BANF2: variants seen among roughly 807,000 people sequenced by gnomAD.
The protein encoded by BANF2 is BANF family member 2.
In BANF2, 4 loss-of-function variants were observed where a neutral mutation model predicts 8.0. The observed-to-expected ratio is 0.50, with a 90% CI of 0.25 to 1.14. The LOEUF (loss-of-function observed/expected upper bound fraction) is 1.14, where lower values mean the gene tolerates loss of function less well. Ranked by LOEUF, BANF2 falls within the 50% of genes most tolerant of loss-of-function variation. The probability of loss-of-function intolerance (pLI) is 0.16; values close to 1 mark genes in which losing one functional copy is unlikely to be tolerated. For synonymous variants in BANF2, 50 were observed against 40.6 expected, an observed-to-expected ratio of 1.23 and a Z score of -0.88; for missense variants, 96 against 107.5, an observed-to-expected ratio of 0.89 and a Z score of 0.47.
At chr20:17,703,322 G>C (rs1293508981) in intron 1 of BANF2, among the ~76,000 whole-genome samples, 4 of 152,168 alleles carry the variant, frequency 2.6e-5, no homozygotes, top group African/African-American at 9.7e-5. Flanking sequence ...ACCAGAGCAG[G>C]GATGCAGTCT....
chr20:17,700,339 C>G (rs1341507684), intron 1 of BANF2, among the ~76,000 whole-genome samples: 1 of 146,492 alleles, frequency 6.8e-6, no homozygotes, highest in Admixed American at 6.7e-5. Context: ...CAAAGGTCAC[C>G]TGTGTTCTTA....
chr20:17,709,560 C>G (rs1250492419), intron 1 of BANF2, among the ~76,000 whole-genome samples: 2 of 152,148 alleles, frequency 1.3e-5, no homozygotes, highest in Non-Finnish European at 2.9e-5. Context: ...TGTTTTGGGG[C>G]AGCCAACTGC....
chr20:17,724,503 C>T (rs947642336), intron 2 of BANF2, among the ~76,000 whole-genome samples: 1 of 152,132 alleles, frequency 6.6e-6, no homozygotes, highest in African/African-American at 2.4e-5. Context: ...TGAGGAATGG[C>T]GCTGCGACCC....
At chr20:17,716,706 C>T (rs1003579915) in intron 1 of BANF2, among the ~76,000 whole-genome samples, 9 of 150,990 alleles carry the variant, frequency 6.0e-5, no homozygotes, top group Admixed American at 4.6e-4. Flanking sequence ...CCAGGTGGTG[C>T]GGCATGCATC....
intron 1 of BANF2, among the ~76,000 whole-genome samples, chr20:17,721,869 C>A (rs2037735097): frequency 6.6e-6 from 1 of 152,184 alleles, no homozygotes; most frequent in Non-Finnish European, 1.5e-5. Context: ...TTACTTATAG[C>A]CCAGGGTTTC....
chr20:17,695,472 A>G (rs1051382848), upstream of BANF2, among the ~76,000 whole-genome samples: 1 of 143,392 alleles, frequency 7.0e-6, no homozygotes, highest in Non-Finnish European at 1.5e-5. Flanking sequence ...AAAAAAAAGT[A>G]GAGTCGCATA....
chr20:17,695,186 G>A (rs1443001171), upstream of BANF2, among the ~76,000 whole-genome samples: 1 of 151,790 alleles, frequency 6.6e-6, no homozygotes, highest in African/African-American at 2.4e-5. Flanking sequence ...TGGGTGTGAT[G>A]GTGTAATCCC....
At chr20:17,708,214 GAT>G (rs924211522) in intron 1 of BANF2, among the ~76,000 whole-genome samples, 1 of 151,994 alleles carries the variant, frequency 6.6e-6, no homozygotes, top group African/African-American at 2.4e-5. Flanking sequence ...GTGACAAAGT[GAT>G]ATGTCTCGAA....
At chr20:17,722,317 C>T (rs1204770509) in intron 1 of BANF2, among the ~76,000 whole-genome samples, 1 of 152,194 alleles carries the variant, frequency 6.6e-6, no homozygotes, top group Non-Finnish European at 1.5e-5. Context: ...GTTGTAGTTT[C>T]CATTTATTCT....
intron 1 of BANF2, among the ~76,000 whole-genome samples, chr20:17,703,623 G>A (rs577765821): frequency 6.6e-6 from 1 of 152,282 alleles, no homozygotes; most frequent in African/African-American, 2.4e-5. Flanking sequence ...GGCTGGACAG[G>A]GTGGCCCAAG....
At chr20:17,715,236 C>T (rs2122603924) in intron 1 of BANF2, among the ~76,000 whole-genome samples, 1 of 152,306 alleles carries the variant, frequency 6.6e-6, no homozygotes. Flanking sequence ...AAGGTGAGCC[C>T]TGCCTTTGGG....
Position 17,735,779 on chromosome 20 carries a change from T to C in BANF2, c.241T>C (p.Cys81Arg). Residue 81 changes from cysteine to arginine, a missense_variant, in exon 4 of 4, where the codon TGC becomes CGC. Coordinates refer to ENST00000246090, the MANE Select transcript of BANF2 (RefSeq NM_178477.5). Reference sequence around the variant, plus strand: ...GTGTGAGGCCCAGCAGACTTCTCACTGCCTCAAGGAGTGGTGTGCCTGCTT... The same window carrying C: ...GTGTGAGGCCCAGCAGACTTCTCACCGCCTCAAGGAGTGGTGTGCCTGCTT... ...TECEAQQTSH[C>R]LKEWCACFL is the part of the protein sequence containing the mutation. The C allele has an allele frequency of 6.2e-7, 1 of 1,613,860 alleles. No homozygotes were observed. The highest frequency in any genetic ancestry group is 1.1e-5 in the South Asian group (1 of 91,050).
chr20:17,725,379 A>C (rs895137514), intron 3 of BANF2, among the ~76,000 whole-genome samples: 3 of 152,258 alleles, frequency 2.0e-5, no homozygotes, highest in African/African-American at 7.2e-5. Context: ...AGTTCAGAGC[A>C]GCTGGGCTAG....
intron 1 of BANF2, among the ~76,000 whole-genome samples, chr20:17,694,031 G>A (rs577337369): frequency 2.0e-4 from 30 of 152,326 alleles, no homozygotes; most frequent in African/African-American, 7.2e-4. Flanking sequence ...TCCTTGTTGC[G>A]ATGAATTGGC....
chr20:17,706,065 A>G (rs1452733385), intron 1 of BANF2, among the ~76,000 whole-genome samples: 1 of 152,218 alleles, frequency 6.6e-6, no homozygotes, highest in Non-Finnish European at 1.5e-5. Flanking sequence ...TGTACTTAGG[A>G]AAACGCAGCC....
chr20:17,717,054 G>A (rs1388664017), intron 1 of BANF2, among the ~76,000 whole-genome samples: 1 of 152,032 alleles, frequency 6.6e-6, no homozygotes, highest in Non-Finnish European at 1.5e-5. Flanking sequence ...ATGAAACACT[G>A]ATCATTTGAA....
chr20:17,718,777 C>T (rs1480885193), intron 1 of BANF2, among the ~76,000 whole-genome samples: 5 of 152,172 alleles, frequency 3.3e-5, no homozygotes, highest in Non-Finnish European at 7.3e-5. Context: ...TCTACTGATT[C>T]CTTTATTCCT....
At chr20:17,728,385 A>C (rs2328216) in intron 3 of BANF2, among the ~76,000 whole-genome samples, 53,294 of 151,982 alleles carry the variant, frequency 0.35, 10,149 homozygotes, top group African/African-American at 0.5. Context: ...CTAGAGACCC[A>C]AGGGTGCTGG....
chr20:17,700,310 C>T (rs775777932), intron 1 of BANF2, among the ~76,000 whole-genome samples: 3 of 152,086 alleles, frequency 2.0e-5, no homozygotes, highest in Non-Finnish European at 2.9e-5. Context: ...CGGCTTGCCA[C>T]CTGCACCAGC....
Sources: gnomAD v4.1 joint callset for allele counts (sites outside exome capture counted in the v4.1 genomes callset) on GRCh38, gnomAD v4.1.1 for gene constraint, MANE v1.5 for transcripts, NCBI Gene and HGNC (gene_info 2026-07-23, HGNC 2026-07-21) for gene names.